Variants in KIF1A observed in about 807,000 individuals in gnomAD.
KIF1A encodes the protein kinesin-like protein KIF1A.
KIF1A carries 46 observed loss-of-function variants against 227.3 expected under a neutral mutation model. The ratio of observed to expected loss-of-function variants is 0.20; its 90% confidence interval spans 0.16 to 0.26. The LOEUF (loss-of-function observed/expected upper bound fraction) is 0.26, where lower values mean the gene tolerates loss of function less well. Among genes scored for constraint, KIF1A ranks in the 10% least tolerant of loss-of-function variants. The probability of loss-of-function intolerance (pLI) is 1.00; values close to 1 mark genes in which losing one functional copy is unlikely to be tolerated. For synonymous variants in KIF1A, 1,022 were observed against 1,012.8 expected, an observed-to-expected ratio of 1.01 and a Z score of -0.17; for missense variants, 1,683 against 2,485.9, an observed-to-expected ratio of 0.68 and a Z score of 6.87.
At chr2:240,805,099 A>AGGGG (rs1559543969) in intron 1 of KIF1A, among the ~76,000 whole-genome samples, 2 of 42,678 alleles carry the variant, frequency 4.7e-5, no homozygotes, top group African/African-American at 1.0e-4. Flanking sequence ...GAGGGGAGGG[A>AGGGG]GAGGGGAGGG....
At chr2:240,738,556 C>T (rs947372846) in intron 37 of KIF1A, among the ~76,000 whole-genome samples, 1 of 152,186 alleles carries the variant, frequency 6.6e-6, no homozygotes, top group African/African-American at 2.4e-5. Flanking sequence ...GACTTGGCTG[C>T]TCTGTGCCCT....
At position 240,758,328 on chromosome 2, in the gene KIF1A, T is replaced by A; in HGVS notation, c.2582+32A>T. 1.3e-6 allele frequency: 2 copies of A among 1,596,578 alleles called. No individual in the cohort carries two copies. The highest frequency in any genetic ancestry group is 4.5e-5 in the East Asian group (2 of 44,560). On this transcript the variant is annotated intron_variant, in intron 26 of 48. Transcript: ENST00000498729. This position sits in a 1 kb window ranked among gnomAD's most constrained non-coding sequence, Gnocchi z 5.2. The stretch of plus-strand genomic sequence containing the variant: ...ACTGCCATCTCTCTCTCTCAATCTC[T>A]CTCTCTGCCAAGGAAGGGAGGAGGC...
At chr2:240,769,049 G>GC in intron 17 of KIF1A, 84 bp downstream of exon 17, 2 of 1,220,984 alleles carry the variant, frequency 1.6e-6, no homozygotes, top group South Asian at 1.3e-5. Context: ...ACTTCCAGGA[G>GC]CCCCCTCTGG....
chr2:240,741,226 C>G (rs376608552), intron 35 of KIF1A, 43 bp downstream of exon 35: 1 of 1,369,984 alleles, frequency 7.3e-7, no homozygotes, highest in African/African-American at 1.4e-5. Context: ...GCGCACCCCC[C>G]GACACACACT....
chr2:240,768,877 G>T (rs527794941), intron 17 of KIF1A, among the ~76,000 whole-genome samples: 5 of 152,286 alleles, frequency 3.3e-5, no homozygotes, highest in South Asian at 2.1e-4. Context: ...GGAGAGCCCA[G>T]TCCACACTCC....
rs751798253 is a variant in KIF1A at position 240,726,837 on chromosome 2, C to T, written c.4111G>A (p.Ala1371Thr). ...CATAGGTGCCTTGCCTCGATATAAG[C>T]GGAGAGTGTCATGTAGATTTTCTCT... ...YREKIYMTLS[A>T]YIEMENCTQP... is the part of the protein sequence containing the mutation. Residue 1371 changes from alanine (A) to threonine (T), a missense_variant, in exon 39 of 49, where the codon GCT becomes ACT. Ala to Thr is a moderately conservative substitution (Grantham distance 58). This residue lies in a region of KIF1A where 759 missense variants were observed against 1,020.2 expected (regional missense o/e 0.74). Coordinates refer to ENST00000498729, the MANE Select transcript of KIF1A (RefSeq NM_001244008.2). The surrounding 1 kb of genome is among the most constrained non-coding windows in gnomAD (Gnocchi z 5.2). 8.1e-6 allele frequency: 13 copies of T among 1,606,544 alleles called. No individual in the cohort carries two copies. Among genetic ancestry groups the T allele is most frequent in the African/African-American group, 2.7e-5 (2 of 74,896 alleles).
At chr2:240,744,097 G>A (rs1407845053) in intron 32 of KIF1A, 37 bp from the exon 33 acceptor site, 4 of 1,355,230 alleles carry the variant, frequency 3.0e-6, no homozygotes, top group African/African-American at 2.9e-5. Context: ...GGAGGGCACG[G>A]CCAGGTCACA....
At chr2:240,779,744 T>A (rs2053366905) in intron 10 of KIF1A, among the ~76,000 whole-genome samples, 1 of 151,806 alleles carries the variant, frequency 6.6e-6, no homozygotes, top group South Asian at 2.1e-4. Context: ...AGTTCCACAC[T>A]CAGTTCCTCA....
intron 1 of KIF1A, among the ~76,000 whole-genome samples, chr2:240,802,917 AC>A (rs1489541179): frequency 6.6e-6 from 1 of 152,220 alleles, no homozygotes; most frequent in African/African-American, 2.4e-5. Flanking sequence ...GGTGTGAGTC[AC>A]CATGCCCAGC....
In KIF1A at chr2:240,726,720, A is replaced by G. The variant is rs1442421105; in HGVS notation, c.4122+106T>C. ...ACAAATTTAACCCAGGGACTTGAGA[A>G]CTAGAGAAGTCGTCTGGGTCATATG... is the stretch of plus-strand genomic sequence containing the variant. On this transcript the variant is annotated intron_variant, in intron 39 of 48. Transcript: ENST00000498729. This position sits in a 1 kb window ranked among gnomAD's most constrained non-coding sequence, Gnocchi z 5.2. The G allele has an allele frequency of 5.6e-6, 3 of 540,234 alleles. No individual in the cohort carries two copies. The highest frequency in any genetic ancestry group is 3.8e-5 in the African/African-American group (2 of 52,162). 33.5% of individuals were successfully genotyped at this position (540,234 alleles called of 1,614,324 possible).
chr2:240,747,436 G>T, intron 28 of KIF1A, 115 bp from the exon 29 acceptor site: 1 of 721,984 alleles, frequency 1.4e-6, no homozygotes, highest in Middle Eastern at 3.7e-4. Context: ...GCCAGAGCAG[G>T]CAGCAGACCC....
At chr2:240,771,431 G>C (rs2051971018) in intron 14 of KIF1A, 10 of 419,674 alleles carry the variant, frequency 2.4e-5, no homozygotes, top group South Asian at 2.0e-4. Flanking sequence ...CCCAGCAGCA[G>C]CATGGCACAG....
chr2:240,726,838 G>A lies in KIF1A; in HGVS notation c.4110C>T (p.Ser1370=), dbSNP rs374134509. ...ATAGGTGCCTTGCCTCGATATAAGC[G>A]GAGAGTGTCATGTAGATTTTCTCTC... is the stretch of plus-strand genomic sequence containing the variant. ...PYREKIYMTL[S]AYIEMENCTQ... Residue 1370 remains serine (S), a synonymous_variant, in exon 39 of 49, where the codon TCC becomes TCT. Transcript: ENST00000498729. The surrounding 1 kb of genome is among the most constrained non-coding windows in gnomAD (Gnocchi z 5.2). The A allele has an allele frequency of 1.0e-4, 166 of 1,606,804 alleles. No homozygotes were observed. The highest frequency in any genetic ancestry group is 1.2e-4 in the Non-Finnish European group (138 of 1,174,998).
At chr2:240,721,725 G>A in intron 44 of KIF1A, 82 bp downstream of exon 44, 1 of 1,122,772 alleles carries the variant, frequency 8.9e-7, no homozygotes, top group Non-Finnish European at 1.3e-6. Flanking sequence ...TTCCCACTTG[G>A]AATGGGAGTT....
intron 10 of KIF1A, among the ~76,000 whole-genome samples, chr2:240,780,800 A>G (rs1396239720): frequency 3.8e-5 from 1 of 26,130 alleles, no homozygotes; most frequent in Non-Finnish European, 7.4e-5. Context: ...ACACAGCTCC[A>G]CACACACACA....
chr2:240,766,929 C>A lies in KIF1A; in HGVS notation c.1670G>T (p.Arg557Met), dbSNP rs773904723. Residue 557 changes from arginine to methionine, a missense_variant, in exon 19 of 49, where the codon AGG becomes ATG. Coordinates refer to ENST00000498729, the MANE Select transcript of KIF1A (RefSeq NM_001244008.2). The surrounding 1 kb of genome is among the most constrained non-coding windows in gnomAD (Gnocchi z 5.0). Reference protein sequence around the residue: ...EEHCVFRSDSRGGSEAVVTLE... With the variant: ...EEHCVFRSDSMGGSEAVVTLE... The stretch of plus-strand genomic sequence containing the variant: ...GGTGGTGATACCTTCGCTGCCTCCC[C>A]TGGAGTCGCTCCGGAAGACGCAGTG... 5.0e-6 allele frequency: 8 copies of A among 1,610,192 alleles called. No individual in the cohort carries two copies. The highest frequency in any genetic ancestry group is 1.3e-5 in the African/African-American group (1 of 74,858).
intron 1 of KIF1A, among the ~76,000 whole-genome samples, chr2:240,800,841 G>T (rs2056901794): frequency 6.6e-6 from 1 of 152,222 alleles, no homozygotes; most frequent in African/African-American, 2.4e-5. Context: ...CCAGGCTCTG[G>T]CTGAAAGCCC....
intron 27 of KIF1A, among the ~76,000 whole-genome samples, chr2:240,756,998 C>T (rs931334305): frequency 9.9e-5 from 15 of 152,236 alleles, no homozygotes; most frequent in Non-Finnish European, 1.0e-4. Flanking sequence ...GGGGTTCCTA[C>T]GGCCTCTCTG....
chr2:240,738,911 G>T (rs1052649832), intron 37 of KIF1A, among the ~76,000 whole-genome samples: 2 of 152,230 alleles, frequency 1.3e-5, no homozygotes, highest in African/African-American at 4.8e-5. Flanking sequence ...CTGCCCCAGG[G>T]ATCGTTCCTC....
Sources: allele counts gnomAD v4.1 joint callset (sites outside exome capture counted in the v4.1 genomes callset), GRCh38; gene constraint gnomAD v4.1.1; regional missense constraint gnomAD v4.1.1; non-coding constraint Gnocchi (gnomAD v3.1); transcripts MANE v1.5; gene names NCBI Gene and HGNC (gene_info 2026-07-23, HGNC 2026-07-21).